Variants in LMX1A observed in about 807,000 individuals in gnomAD.
The protein encoded by LMX1A is LIM homeobox transcription factor 1 alpha.
Under a neutral mutation model 49.1 loss-of-function variants are expected in LMX1A, and 15 were observed. That is an observed-to-expected ratio of 0.31 (90% CI 0.20 to 0.47). The LOEUF (loss-of-function observed/expected upper bound fraction) is 0.47, where lower values mean the gene tolerates loss of function less well. Ranked by LOEUF, LMX1A falls within the 20% of genes least tolerant of loss-of-function variation. The pLI is 1.00. For synonymous variants in LMX1A, 167 were observed against 185.7 expected (o/e 0.90, Z 0.82); for missense variants, 372 against 475.8 (o/e 0.78, Z 2.03).
chr1:165,212,977 G>A (rs1651474478), intron 5 of LMX1A: 1 of 152,270 alleles, frequency 6.6e-6, no homozygotes, highest in Non-Finnish European at 1.5e-5. Flanking sequence ...TGGAAACATG[G>A]TGACAACTGG....
chr1:165,333,912 A>G (rs1298660734), intron 3 of LMX1A, among the ~76,000 whole-genome samples: 1 of 152,236 alleles, frequency 6.6e-6, no homozygotes, highest in African/African-American at 2.4e-5. Context: ...AAGAACTCAC[A>G]GCTGTATGGC....
At position 165,355,401 on chromosome 1, in the gene LMX1A, A is replaced by T; in HGVS notation, c.76+83T>A. On this transcript the variant is annotated intron_variant, in intron 2 of 8. Coordinates refer to ENST00000342310, the MANE Select transcript of LMX1A (RefSeq NM_177398.4). This position sits in a 1 kb window ranked among gnomAD's most constrained non-coding sequence, Gnocchi z 4.7. ...AGGGGCGCTAGCTTCCCTATCGCGG[A>T]CCAGGTCCCAGAGAGCGGGGCTCCA... 7.4e-7 allele frequency: 1 copy of T among 1,357,714 alleles called. No homozygotes were observed. Among genetic ancestry groups the T allele is most frequent in the Non-Finnish European group, 1.0e-6 (1 of 960,148 alleles). The allele number at this position is 1,357,714 out of a possible 1,614,324, so 84.1% of individuals were successfully genotyped here. A position where few individuals can be genotyped will look rare whatever the true frequency, so the allele number is the denominator to read the frequency against.
intron 3 of LMX1A, among the ~76,000 whole-genome samples, chr1:165,344,845 C>G (rs1048882810): frequency 2.0e-5 from 3 of 152,232 alleles, no homozygotes; most frequent in African/African-American, 7.2e-5. Context: ...CTCTCAACTG[C>G]CCATTCCCTT....
intron 4 of LMX1A, among the ~76,000 whole-genome samples, chr1:165,244,981 A>G (rs1652791477): frequency 2.0e-5 from 3 of 152,154 alleles, no homozygotes; most frequent in Non-Finnish European, 4.4e-5. Flanking sequence ...AGAAAAGGGC[A>G]CACAGCAGTT....
intron 3 of LMX1A, among the ~76,000 whole-genome samples, chr1:165,268,523 C>G (rs1214059238): frequency 6.6e-6 from 1 of 152,152 alleles, no homozygotes; most frequent in East Asian, 1.9e-4. Context: ...TAAATATTCC[C>G]ACATCTAATG....
chr1:165,281,746 ATGTGTGTG>A lies in LMX1A; in HGVS notation c.264-32114_264-32107del, dbSNP rs56913866. ...GGCAATATTTTGTGTGTGTGTGTGT[ATGTGTGTG>A]TGTGTGTGTGTGTGTGTGTGTGAAG... On this transcript the variant is annotated intron_variant, in intron 3 of 8. Coordinates refer to ENST00000342310, the MANE Select transcript of LMX1A (RefSeq NM_177398.4). 7.1e-5 allele frequency among the ~76,000 whole-genome samples: 9 copies of A among 125,960 alleles called. No individual in the cohort carries two copies. The East Asian group carries it at 1.7e-3, about 23-fold the overall frequency. The allele number at this position is 125,960 out of a possible 152,430, so 82.6% of individuals were successfully genotyped here.
At chr1:165,215,320 C>A (rs982415180) in intron 4 of LMX1A, among the ~76,000 whole-genome samples, 6 of 152,062 alleles carry the variant, frequency 3.9e-5, no homozygotes, top group African/African-American at 7.2e-5. Flanking sequence ...GTCTCCAAAA[C>A]AAAATAATAA....
chr1:165,337,888 C>CTGTGTGTGTGTGTGTGTGTGTGTGTGTG (rs6143463), intron 3 of LMX1A, among the ~76,000 whole-genome samples: 1,727 of 146,992 alleles, frequency 0.012, 44 homozygotes, highest in African/African-American at 0.034. Flanking sequence ...GTGTGTGTTT[C>CTGTGTGTGTGTGTGTGTGTGTGTGTGTG]TGTGTGTGTG....
At chr1:165,335,044 CTGTG>C (rs1414475925) in intron 3 of LMX1A, among the ~76,000 whole-genome samples, 4 of 152,286 alleles carry the variant, frequency 2.6e-5, no homozygotes, top group Middle Eastern at 3.4e-3. Context: ...AAGAGGTTTA[CTGTG>C]TGTTCAAATT....
intron 3 of LMX1A, among the ~76,000 whole-genome samples, chr1:165,305,471 C>A (rs1347743406): frequency 6.6e-6 from 1 of 152,082 alleles, no homozygotes; most frequent in Non-Finnish European, 1.5e-5. Flanking sequence ...TATGAAAGGA[C>A]CCAGTAGGCC....
chr1:165,301,256 G>A lies in LMX1A; in HGVS notation c.264-51616C>T, dbSNP rs369260666. ...GTTCCATTGGGTGTTACACCCACCTGCCTCTCGTCCCACCTGGCAACTGTA... is the reference window on the plus strand; with the variant it reads ...GTTCCATTGGGTGTTACACCCACCTACCTCTCGTCCCACCTGGCAACTGTA... On this transcript the variant is annotated intron_variant, in intron 3 of 8. Coordinates refer to ENST00000342310, the MANE Select transcript of LMX1A (RefSeq NM_177398.4). Among the ~76,000 whole-genome samples the A allele has an allele frequency of 9.2e-5, 14 of 152,166 alleles. No individual in the cohort carries two copies. The East Asian group carries it at 2.7e-3, about 29-fold the overall frequency.
At chr1:165,247,054 C>CTTTTTTTTTTT (rs71097567) in intron 4 of LMX1A, among the ~76,000 whole-genome samples, 2,236 of 53,142 alleles carry the variant, frequency 0.042, 694 homozygotes, top group Middle Eastern at 0.087. Context: ...TCAGCTTTTT[C>CTTTTTTTTTTT]TTTTTTTTTT....
At chr1:165,278,061 C>T (rs1466358222) in intron 3 of LMX1A, among the ~76,000 whole-genome samples, 1 of 152,166 alleles carries the variant, frequency 6.6e-6, no homozygotes, top group Non-Finnish European at 1.5e-5. Flanking sequence ...TTGTTTTTAA[C>T]CTCTATTTAA....
chr1:165,293,921 T>C (rs574992046), intron 3 of LMX1A, among the ~76,000 whole-genome samples: 48 of 152,336 alleles, frequency 3.2e-4, no homozygotes, highest in Middle Eastern at 3.4e-3. Context: ...TGGGAGGACA[T>C]TAACATTCAG....
intron 3 of LMX1A, among the ~76,000 whole-genome samples, chr1:165,280,513 C>T (rs150309770): frequency 3.3e-4 from 50 of 152,302 alleles, no homozygotes; most frequent in South Asian, 2.9e-3. Context: ...TTATTCAATG[C>T]TGCATTAGAC....
At chr1:165,223,680 T>C (rs1651934762) in intron 4 of LMX1A, among the ~76,000 whole-genome samples, 1 of 152,216 alleles carries the variant, frequency 6.6e-6, no homozygotes, top group African/African-American at 2.4e-5. Context: ...CCAGAGCACG[T>C]GTTTGTCTAT....
intron 3 of LMX1A, among the ~76,000 whole-genome samples, chr1:165,338,430 T>C (rs1655967738): frequency 6.6e-6 from 1 of 152,210 alleles, no homozygotes; most frequent in Admixed American, 6.5e-5. Flanking sequence ...GGGCCGGTGA[T>C]GGAGAGCATT....
intron 3 of LMX1A, among the ~76,000 whole-genome samples, chr1:165,339,259 C>T (rs1655993811): frequency 6.6e-6 from 1 of 152,198 alleles, no homozygotes; most frequent in African/African-American, 2.4e-5. Flanking sequence ...TTACTGCAGT[C>T]TGGTTAACAA....
At chr1:165,293,243 T>C (rs1296228576) in intron 3 of LMX1A, among the ~76,000 whole-genome samples, 1 of 152,226 alleles carries the variant, frequency 6.6e-6, no homozygotes, top group Non-Finnish European at 1.5e-5. Flanking sequence ...TGAGTGTTCC[T>C]TCAATTTGAG....
Sources: allele counts gnomAD v4.1 joint callset (sites outside exome capture counted in the v4.1 genomes callset), GRCh38; gene constraint gnomAD v4.1.1; non-coding constraint Gnocchi (gnomAD v3.1); transcripts MANE v1.5; gene names NCBI Gene and HGNC (gene_info 2026-07-23, HGNC 2026-07-21).